The following PDZD2 variants were observed in gnomAD, a reference collection of about 807,000 sequenced individuals.
PDZD2 encodes PDZ domain-containing protein 2.
PDZD2 carries 90 observed loss-of-function variants against 220.7 expected under a neutral mutation model. The observed-to-expected ratio is 0.41, with a 90% confidence interval of 0.34 to 0.49. PDZD2 has a LOEUF of 0.49. Among genes scored for constraint, PDZD2 ranks in the 20% least tolerant of loss-of-function variants. PDZD2 has a pLI of 0.28. For missense variants in PDZD2, 3,174 were observed against 3,608.5 expected, an observed-to-expected ratio of 0.88 and a Z score of 3.08; for synonymous variants, 1,375 against 1,450.5, an observed-to-expected ratio of 0.95 and a Z score of 1.18.
intron 6 of PDZD2, among the ~76,000 whole-genome samples, chr5:32,029,955 T>C (rs1161947098): frequency 2.0e-5 from 3 of 152,256 alleles, no homozygotes; most frequent in African/African-American, 7.2e-5. Flanking sequence ...GACCATGAAC[T>C]TAAAGCCAAT....
rs551644222 is a variant in PDZD2 at position 31,871,750 on chromosome 5, G to A, written c.476+72026G>A. Among the ~76,000 whole-genome samples, 14 of 152,166 alleles carry A rather than the reference G, an allele frequency of 9.2e-5. No individual in the cohort carries two copies. The South Asian group carries it at 2.3e-3, about 25-fold the overall frequency. ...AGGCATGAGCCACTGTGCCTGGCCC[G>A]TACTTGAGCTTTCATCATTTGCAAC... On this transcript the variant is annotated intron_variant, in intron 2 of 24. Transcript: ENST00000438447.
At chr5:31,855,626 C>G (rs942776654) in intron 2 of PDZD2, among the ~76,000 whole-genome samples, 2 of 152,214 alleles carry the variant, frequency 1.3e-5, no homozygotes, top group African/African-American at 4.8e-5. Flanking sequence ...AGCAGAATGA[C>G]TGAGACGGAG....
chr5:31,906,797 T>C (rs188892949), intron 2 of PDZD2, among the ~76,000 whole-genome samples: 1 of 152,118 alleles, frequency 6.6e-6, no homozygotes, highest in Admixed American at 6.6e-5. Flanking sequence ...GGGCCAAAAG[T>C]GTGCCACTGC....
intron 1 of PDZD2, among the ~76,000 whole-genome samples, chr5:31,727,211 A>G (rs1749200548): frequency 6.6e-6 from 1 of 152,214 alleles, no homozygotes; most frequent in Non-Finnish European, 1.5e-5. Context: ...TATCCAAGCT[A>G]TCTGAAGAGC....
At chr5:31,850,073 T>C (rs10065216) in intron 2 of PDZD2, among the ~76,000 whole-genome samples, 6,908 of 114,352 alleles carry the variant, frequency 0.06, 857 homozygotes, top group African/African-American at 0.15. Flanking sequence ...AGTATATATA[T>C]GTGTATATAT....
At chr5:31,712,291 T>G (rs1013463641) in intron 1 of PDZD2, among the ~76,000 whole-genome samples, 1 of 152,178 alleles carries the variant, frequency 6.6e-6, no homozygotes, top group Non-Finnish European at 1.5e-5. Context: ...GGGGAGAATT[T>G]GGTGGGGCAG....
chr5:31,804,735 G>A (rs1367823770), intron 2 of PDZD2, among the ~76,000 whole-genome samples: 2 of 150,084 alleles, frequency 1.3e-5, no homozygotes, highest in African/African-American at 4.9e-5. Context: ...TGGTCCTTGT[G>A]CGATCTGATG....
At chr5:31,654,828 T>C (rs1167309051) in intron 1 of PDZD2, among the ~76,000 whole-genome samples, 1 of 152,180 alleles carries the variant, frequency 6.6e-6, no homozygotes, top group Non-Finnish European at 1.5e-5. Flanking sequence ...ATGGAAATCA[T>C]ATCCTGTCAG....
chr5:32,071,521 T>C (rs1182373932), intron 16 of PDZD2, 103 bp downstream of exon 16: 2 of 876,886 alleles, frequency 2.3e-6, no homozygotes, highest in Non-Finnish European at 3.8e-6. Context: ...TTTCTGCCCA[T>C]GAGTCATTTT....
At chr5:32,046,909 G>A (rs1738028590) in intron 7 of PDZD2, among the ~76,000 whole-genome samples, 1 of 152,068 alleles carries the variant, frequency 6.6e-6, no homozygotes, top group Non-Finnish European at 1.5e-5. Flanking sequence ...TGGGCGTGGT[G>A]GCGTGCACCT....
intron 1 of PDZD2, among the ~76,000 whole-genome samples, chr5:31,720,104 T>C (rs1748700753): frequency 6.6e-6 from 1 of 152,198 alleles, no homozygotes; most frequent in South Asian, 2.1e-4. Flanking sequence ...TCTCCTGAAG[T>C]TGGGTGTCTG....
Position 32,098,471 on chromosome 5 carries a change from G to A in PDZD2, c.8055G>A (p.Gly2685=). The A allele has an allele frequency of 6.2e-7, 1 of 1,614,140 alleles. No individual in the cohort carries two copies. Among genetic ancestry groups the A allele is most frequent in the Non-Finnish European group, 8.5e-7 (1 of 1,180,014 alleles). The change falls in exon 23 of 25, where the codon GGG becomes GGA. Residue 2685 remains glycine, a synonymous_variant. Coordinates refer to ENST00000438447, the MANE Select transcript of PDZD2 (RefSeq NM_178140.4). This position sits in a 1 kb window ranked among gnomAD's most constrained non-coding sequence, Gnocchi z 4.1. Reference sequence around the variant, plus strand: ...CCTCACTGGCTGGCTTAGCCCACGGGAATGTCCTGAAGGTTCTGCACCAGG... The same window carrying A: ...CCTCACTGGCTGGCTTAGCCCACGGAAATGTCCTGAAGGTTCTGCACCAGG... ...NGASLAGLAH[G]NVLKVLHQAQ...
chr5:31,902,581 T>C (rs13176148), intron 2 of PDZD2, among the ~76,000 whole-genome samples: 115,814 of 149,020 alleles, frequency 0.78, 46,024 homozygotes, highest in Middle Eastern at 0.86. Context: ...CTCCCAGGTT[T>C]GAGCAATTCT....
chr5:31,646,958 T>C lies in PDZD2; in HGVS notation c.-361+7521T>C, dbSNP rs1745157201. On this transcript the variant is annotated intron_variant, in intron 1 of 24. Coordinates refer to ENST00000438447, the MANE Select transcript of PDZD2 (RefSeq NM_178140.4). The surrounding 1 kb of genome is among the most constrained non-coding windows in gnomAD (Gnocchi z 4.7). The stretch of plus-strand genomic sequence containing the variant: ...AAGGAGAGGAAGGTACTGGAAAGAA[T>C]TGCATTAACTCCTCTCTGGACTTAC... 6.6e-6 allele frequency among the ~76,000 whole-genome samples: 1 copy of C among 152,162 alleles called. No homozygotes were observed. Among genetic ancestry groups the C allele is most frequent in the African/African-American group, 2.4e-5 (1 of 41,444 alleles).
intron 2 of PDZD2, among the ~76,000 whole-genome samples, chr5:31,914,122 C>T (rs1743454074): frequency 6.6e-6 from 1 of 152,090 alleles, no homozygotes; most frequent in Admixed American, 6.5e-5. Context: ...ATGAAATTCT[C>T]TGCTCAAGTG....
intron 2 of PDZD2, among the ~76,000 whole-genome samples, chr5:31,939,908 C>A (rs930707306): frequency 6.6e-6 from 1 of 152,194 alleles, no homozygotes; most frequent in Admixed American, 6.5e-5. Flanking sequence ...AGGAGAGGAA[C>A]AGCCAGACAA....
intron 2 of PDZD2, among the ~76,000 whole-genome samples, chr5:31,874,161 A>G (rs1439327292): frequency 6.6e-6 from 1 of 152,154 alleles, no homozygotes; most frequent in African/African-American, 2.4e-5. Flanking sequence ...GTCTTCAGCT[A>G]ATTGGATGAA....
rs191669445 is a variant in PDZD2, at chr5:31,662,832, G to A, written c.-361+23395G>A. Among the ~76,000 whole-genome samples, 175 of 152,250 alleles carry A rather than the reference G, an allele frequency of 1.1e-3. 1 individual carries two copies. In the South Asian group the frequency reaches 0.018, roughly 15 times the overall value. On this transcript the variant is annotated intron_variant, in intron 1 of 24. Transcript: ENST00000438447. ...TTTTTAGTAGAGACGGGGTTTCACC[G>A]TGTTAGCCAGGATGGTCTTGATCTC...
In PDZD2 at chr5:31,799,032, G is replaced by A. The variant is rs1210072444; in HGVS notation, c.-217G>A. ...TCCTTCCCTCATTGAGCACTCCAGTGCCATTGTTCCACAGTTGTTCTAATT... is the reference window on the plus strand; with the variant it reads ...TCCTTCCCTCATTGAGCACTCCAGTACCATTGTTCCACAGTTGTTCTAATT... On this transcript the variant is annotated 5_prime_UTR_variant, in exon 2 of 25. Coordinates refer to ENST00000438447, the MANE Select transcript of PDZD2 (RefSeq NM_178140.4). 1.2e-5 allele frequency: 7 copies of A among 563,412 alleles called. No individual in the cohort carries two copies. Among genetic ancestry groups the A allele is most frequent in the Non-Finnish European group, 1.9e-5 (6 of 316,498 alleles). 34.9% of individuals were successfully genotyped at this position (563,412 alleles called of 1,614,324 possible). A position where few individuals can be genotyped will look rare whatever the true frequency, so the allele number is the denominator to read the frequency against.
Sources: gnomAD v4.1 joint callset for allele counts (sites outside exome capture counted in the v4.1 genomes callset) on GRCh38, gnomAD v4.1.1 for gene constraint, Gnocchi (gnomAD v3.1) non-coding constraint, MANE v1.5 for transcripts, NCBI Gene and HGNC (gene_info 2026-07-23, HGNC 2026-07-21) for gene names.